TULP4: variants seen among roughly 807,000 people sequenced by gnomAD.
The protein encoded by TULP4 is tubby-related protein 4.
Under a neutral mutation model 129.0 loss-of-function variants are expected in TULP4, and 16 were observed. That is an observed-to-expected ratio of 0.12 (90% confidence interval 0.08 to 0.19). The LOEUF (loss-of-function observed/expected upper bound fraction) is 0.19, where lower values mean the gene tolerates loss of function less well. Among genes scored for constraint, TULP4 ranks in the 10% least tolerant of loss-of-function variants. The pLI is 1.00. For synonymous variants in TULP4, 998 were observed against 854.0 expected (o/e 1.17, Z -2.94); for missense variants, 1,842 against 2,059.1 (o/e 0.89, Z 2.04).
rs538921716 is a variant in TULP4 at position 158,502,150 on chromosome 6, G to A, written c.2487G>A (p.Thr829=). ...GTGCCCCCCAGGAGGTCCAGGTGAC[G>A]AAGATAAACCCTCCACCCCCGTACC... ...VFSAPQEVQV[T]KINPPPPYPG... The change falls in exon 13 of 14, where the codon ACG becomes ACA. Residue 829 remains threonine, a synonymous_variant. Transcript: ENST00000367097. The A allele has an allele frequency of 7.5e-6, 12 of 1,599,520 alleles. No individual in the cohort carries two copies. Among genetic ancestry groups the A allele is most frequent in the Middle Eastern group, 1.7e-4 (1 of 5,956 alleles).
At chr6:158,328,924 G>T (rs922024428) in intron 1 of TULP4, among the ~76,000 whole-genome samples, 12 of 152,266 alleles carry the variant, frequency 7.9e-5, no homozygotes, top group African/African-American at 2.9e-4. Flanking sequence ...TGGGCAGTGG[G>T]TATCGTATTT....
intron 8 of TULP4, among the ~76,000 whole-genome samples, chr6:158,484,319 A>G (rs924515121): frequency 1.4e-5 from 2 of 142,430 alleles, no homozygotes; most frequent in South Asian, 2.2e-4. Flanking sequence ...ATCATAGTGC[A>G]CTTTTTTTTT....
intron 1 of TULP4, among the ~76,000 whole-genome samples, chr6:158,284,794 T>C (rs1301215100): frequency 6.6e-6 from 1 of 152,198 alleles, no homozygotes; most frequent in African/African-American, 2.4e-5. Context: ...AATTCCTGGA[T>C]TTTACAAATG....
At chr6:158,451,278 C>G (rs1779158175) in intron 4 of TULP4, among the ~76,000 whole-genome samples, 1 of 152,076 alleles carries the variant, frequency 6.6e-6, no homozygotes, top group African/African-American at 2.4e-5. Flanking sequence ...TTCTTAGTGG[C>G]CTAGGGAATT....
chr6:158,374,805 T>C (rs1777149835), intron 1 of TULP4, among the ~76,000 whole-genome samples: 1 of 152,236 alleles, frequency 6.6e-6, no homozygotes, highest in Non-Finnish European at 1.5e-5. Flanking sequence ...CTGGGACTCA[T>C]ATTTTTGTTT....
chr6:158,506,149 G>A (rs1158009735), intron 13 of TULP4, among the ~76,000 whole-genome samples: 2 of 144,396 alleles, frequency 1.4e-5, no homozygotes, highest in Non-Finnish European at 3.0e-5. Context: ...GTTAGCAAAA[G>A]TATCTCATAG....
chr6:158,320,204 C>T (rs995100362), intron 1 of TULP4, among the ~76,000 whole-genome samples: 6 of 152,240 alleles, frequency 3.9e-5, no homozygotes, highest in Admixed American at 3.9e-4. Flanking sequence ...ATTATTTGTC[C>T]TTTTACTGTG....
At chr6:158,253,473 G>C (rs1467823629) in intron 1 of TULP4, among the ~76,000 whole-genome samples, 1 of 152,170 alleles carries the variant, frequency 6.6e-6, no homozygotes, top group African/African-American at 2.4e-5. Context: ...GGCAGAGCAG[G>C]CTGCATGTTG....
Position 158,330,326 on chromosome 6 carries a change from ATAGG to A in TULP4, c.252+16059_252+16062del, listed in dbSNP as rs1779848634. Among the ~76,000 whole-genome samples, 3 of 152,280 alleles carry A rather than the reference ATAGG, an allele frequency of 2.0e-5. No homozygotes were observed. The South Asian group carries it at 6.2e-4, about 32-fold the overall frequency. ...CAGAGAACTTGTTAATGAATGTCCA[ATAGG>A]ACCTTGGATAAAAGGCATTTAAAAA... On this transcript the variant is annotated intron_variant, in intron 1 of 13. Transcript: ENST00000367097.
intron 6 of TULP4, among the ~76,000 whole-genome samples, chr6:158,463,161 C>T (rs192769467): frequency 1.8e-4 from 28 of 152,206 alleles, no homozygotes; most frequent in African/African-American, 6.5e-4. Flanking sequence ...CTCCTACAGT[C>T]ATATTTGGGG....
At chr6:158,301,639 C>G (rs1215098979) in intron 1 of TULP4, among the ~76,000 whole-genome samples, 1 of 152,196 alleles carries the variant, frequency 6.6e-6, no homozygotes, top group Non-Finnish European at 1.5e-5. Flanking sequence ...AAACACCACT[C>G]CACTAAGTCA....
chr6:158,390,086 A>T (rs897495366), intron 1 of TULP4, among the ~76,000 whole-genome samples: 32 of 152,192 alleles, frequency 2.1e-4, no homozygotes, highest in Admixed American at 2.0e-3. Flanking sequence ...AAAAAAAAAA[A>T]TTTAAATTAC....
intron 1 of TULP4, among the ~76,000 whole-genome samples, chr6:158,359,153 C>T (rs1286445100): frequency 1.3e-5 from 2 of 152,160 alleles, no homozygotes; most frequent in Non-Finnish European, 2.9e-5. Flanking sequence ...AGCCACCCTC[C>T]CCTCTTCCTC....
Position 158,481,347 on chromosome 6 carries a change from C to T in TULP4, c.1486+58C>T, listed in dbSNP as rs749326139. 48 of 1,456,344 alleles carry T rather than the reference C, an allele frequency of 3.3e-5. No homozygotes were observed. The African/African-American group carries it at 5.1e-4, about 15-fold the overall frequency. 90.2% of individuals were successfully genotyped at this position (1,456,344 alleles called of 1,614,324 possible). A position where few individuals can be genotyped will look rare whatever the true frequency, so the allele number is the denominator to read the frequency against. On this transcript the variant is annotated intron_variant, in intron 8 of 13. Transcript: ENST00000367097. ...TTCTCCTGTGGTCATGGGCTGTTAACGCCTTACACCCCATGCAAAGAGAAT... is the reference window on the plus strand; with the variant it reads ...TTCTCCTGTGGTCATGGGCTGTTAATGCCTTACACCCCATGCAAAGAGAAT...
At chr6:158,469,149 T>C (rs1779616907) in intron 6 of TULP4, among the ~76,000 whole-genome samples, 1 of 151,996 alleles carries the variant, frequency 6.6e-6, no homozygotes, top group Non-Finnish European at 1.5e-5. Flanking sequence ...TAAGACGGAA[T>C]CAGGACAAAA....
intron 1 of TULP4, among the ~76,000 whole-genome samples, chr6:158,294,398 G>A (rs895719641): frequency 1.8e-4 from 28 of 152,026 alleles, no homozygotes; most frequent in African/African-American, 6.5e-4. Flanking sequence ...AATAAAGCAG[G>A]TTGTCATAGT....
intron 1 of TULP4, among the ~76,000 whole-genome samples, chr6:158,258,710 G>A (rs1465773954): frequency 1.3e-5 from 2 of 152,084 alleles, no homozygotes; most frequent in South Asian, 2.1e-4. Flanking sequence ...ACAAAATGCC[G>A]CCATCACCAG....
chr6:158,449,009 C>T lies in TULP4; in HGVS notation c.557C>T (p.Thr186Met), dbSNP rs376940085. ...TPDDQQVLFGTADGQVIVMDC... is the reference protein window; with the variant it reads ...TPDDQQVLFGMADGQVIVMDC... Reference sequence around the variant, plus strand: ...CCTGGATTGCAGGTGCTGTTTGGCACGGCCGATGGGCAGGTGATTGTCATG... The same window carrying T: ...CCTGGATTGCAGGTGCTGTTTGGCATGGCCGATGGGCAGGTGATTGTCATG... Residue 186 changes from threonine to methionine, a missense_variant, in exon 4 of 14, where the codon ACG becomes ATG. Around this residue, in one of 5 missense-constraint regions of TULP4, gnomAD observed 151 missense variants for 268.7 expected, o/e 0.56. Coordinates refer to ENST00000367097, the MANE Select transcript of TULP4 (RefSeq NM_020245.5). 3.7e-6 allele frequency: 6 copies of T among 1,610,240 alleles called. No homozygotes were observed. The highest frequency in any genetic ancestry group is 5.1e-6 in the Non-Finnish European group (6 of 1,177,644).
intron 1 of TULP4, among the ~76,000 whole-genome samples, chr6:158,292,879 G>A (rs964337151): frequency 6.6e-6 from 1 of 152,086 alleles, no homozygotes; most frequent in African/African-American, 2.4e-5. Flanking sequence ...TCTCATTTCT[G>A]TGTACCCTGT....
Sources: allele counts gnomAD v4.1 joint callset (sites outside exome capture counted in the v4.1 genomes callset), GRCh38; gene constraint gnomAD v4.1.1; regional missense constraint gnomAD v4.1.1; transcripts MANE v1.5; gene names NCBI Gene and HGNC (gene_info 2026-07-23, HGNC 2026-07-21).